CLIC5: variants seen among roughly 807,000 people sequenced by gnomAD.
CLIC5 encodes the protein chloride intracellular channel protein 5.
Under a neutral mutation model 24.7 loss-of-function variants are expected in CLIC5, and 20 were observed. The ratio of observed to expected loss-of-function variants is 0.81; its 90% CI spans 0.57 to 1.18. The LOEUF (loss-of-function observed/expected upper bound fraction) is 1.18. Among genes scored for constraint, CLIC5 ranks in the 50% most tolerant of loss-of-function variants. The pLI, the probability that CLIC5 is intolerant of heterozygous loss-of-function variation, is 0.00. For synonymous variants in CLIC5, 159 were observed against 135.6 expected (o/e 1.17, Z -1.20); for missense variants, 341 against 326.1 (o/e 1.05, Z -0.35).
intron 1 of CLIC5, among the ~76,000 whole-genome samples, chr6:45,956,831 G>A (rs567488375): frequency 1.1e-3 from 164 of 152,236 alleles, no homozygotes; most frequent in South Asian, 6.2e-4. Flanking sequence ...GAGAAAGCAC[G>A]GACTCCGTTA....
intron 5 of CLIC5, among the ~76,000 whole-genome samples, chr6:45,904,398 C>G (rs536047400): frequency 2.0e-5 from 3 of 151,800 alleles, no homozygotes; most frequent in African/African-American, 7.3e-5. Flanking sequence ...TCTCTAGCTG[C>G]GGCAGCTTCA....
At chr6:46,083,200 T>C (rs1762960899), upstream of CLIC5, among the ~76,000 whole-genome samples, 4 of 152,388 alleles carry the variant, frequency 2.6e-5, no homozygotes, top group South Asian at 8.3e-4. Flanking sequence ...GTATCTAGCA[T>C]TCATGTCCTT....
chr6:46,092,506 A>G, the CLIC5 span, among the ~76,000 whole-genome samples: 1 of 152,236 alleles, frequency 6.6e-6, no homozygotes. Flanking sequence ...TAAGTAATAA[A>G]GTATCCATAA....
chr6:45,993,525 A>G (rs1344323702), intron 1 of CLIC5, among the ~76,000 whole-genome samples: 1 of 152,188 alleles, frequency 6.6e-6, no homozygotes, highest in Non-Finnish European at 1.5e-5. Context: ...AACCAGATAA[A>G]TATCTGAGGA....
chr6:46,089,962 G>T, the CLIC5 span, among the ~76,000 whole-genome samples: 3 of 152,104 alleles, frequency 2.0e-5, no homozygotes, highest in African/African-American at 7.2e-5. Context: ...TTCGTGATTT[G>T]CACAGGAATG....
chr6:46,001,613 G>T (rs1408861077), intron 1 of CLIC5, among the ~76,000 whole-genome samples: 1 of 152,110 alleles, frequency 6.6e-6, no homozygotes, highest in East Asian at 1.9e-4. Context: ...CAAGACCCAG[G>T]GCCTGGCACC....
intron 1 of CLIC5, among the ~76,000 whole-genome samples, chr6:46,068,403 T>A (rs529806250): frequency 1.3e-5 from 2 of 152,240 alleles, no homozygotes; most frequent in Admixed American, 6.5e-5. Context: ...CTCATTACCC[T>A]GGAGATTCCT....
the CLIC5 span, among the ~76,000 whole-genome samples, chr6:46,090,405 GT>G: frequency 2.2e-3 from 292 of 130,878 alleles, 1 homozygote; most frequent in East Asian, 0.013. Flanking sequence ...AACTTGATGG[GT>G]TTTTTTTTTT....
chr6:45,980,134 C>T (rs1338710174), intron 1 of CLIC5, among the ~76,000 whole-genome samples: 1 of 151,980 alleles, frequency 6.6e-6, no homozygotes, highest in Non-Finnish European at 1.5e-5. Flanking sequence ...CCTGTTATCC[C>T]AGCACTGTTT....
At chr6:45,912,603 T>C (rs1387357069) in intron 5 of CLIC5, 1 of 1,460,152 alleles carries the variant, frequency 6.8e-7, no homozygotes, top group East Asian at 2.5e-5. Context: ...AAAGATTAAA[T>C]GATGTGCCTC....
At chr6:46,049,943 T>C (rs1158985519) in intron 1 of CLIC5, among the ~76,000 whole-genome samples, 2 of 152,214 alleles carry the variant, frequency 1.3e-5, no homozygotes, top group African/African-American at 4.8e-5. Flanking sequence ...AGAGGAGAAT[T>C]AGGGACTGTT....
chr6:45,920,449 A>C, intron 4 of CLIC5: 1 of 402,548 alleles, frequency 2.5e-6, no homozygotes. Flanking sequence ...ATTTGAGATC[A>C]TGTTGATATA....
the CLIC5 span, among the ~76,000 whole-genome samples, chr6:46,088,509 T>C: frequency 6.6e-6 from 1 of 152,188 alleles, no homozygotes; most frequent in East Asian, 1.9e-4. Flanking sequence ...GAAGATAGTT[T>C]ATGTTTACTA....
intron 4 of CLIC5, among the ~76,000 whole-genome samples, chr6:45,918,556 C>A (rs1763119936): frequency 6.6e-6 from 1 of 152,226 alleles, no homozygotes; most frequent in Non-Finnish European, 1.5e-5. Flanking sequence ...ATGAGAACAG[C>A]TCTGTGGGCC....
chr6:46,124,052 T>G, the CLIC5 span, among the ~76,000 whole-genome samples: 1 of 152,188 alleles, frequency 6.6e-6, no homozygotes, highest in East Asian at 1.9e-4. Flanking sequence ...AAGCTACCAA[T>G]GACTTTCTTC....
the CLIC5 span, among the ~76,000 whole-genome samples, chr6:46,099,901 G>C: frequency 6.7e-4 from 102 of 152,020 alleles, no homozygotes; most frequent in African/African-American, 1.9e-3. Flanking sequence ...GTCCATGGAG[G>C]CTTTGAAAAG....
intron 2 of CLIC5, among the ~76,000 whole-genome samples, chr6:45,953,145 C>T (rs1159233503): frequency 6.6e-6 from 1 of 152,094 alleles, no homozygotes; most frequent in East Asian, 1.9e-4. Flanking sequence ...TTCTAGTTGG[C>T]ATCTTGGGCG....
rs750330261 is a variant in CLIC5 at position 45,955,119 on chromosome 6, A to G, written c.173+16T>C. On this transcript the variant is annotated intron_variant, in intron 2 of 5. Transcript: ENST00000339561. ...ATGCAGCTAAACATACTCCTCATTT[A>G]TGCAACGTACGTTACCTTTTCAGAT... is the stretch of plus-strand genomic sequence containing the variant. 2 of 1,581,968 alleles carry G rather than the reference A, an allele frequency of 1.3e-6. No individual in the cohort carries two copies. Among genetic ancestry groups the G allele is most frequent in the South Asian group, 1.1e-5 (1 of 89,982 alleles).
At chr6:46,098,488 T>C in the CLIC5 span, among the ~76,000 whole-genome samples, 1 of 152,226 alleles carries the variant, frequency 6.6e-6, no homozygotes, top group African/African-American at 2.4e-5. Flanking sequence ...AGCATGTGCT[T>C]AGGGCAGACA....
Sources: allele counts gnomAD v4.1 joint callset (sites outside exome capture counted in the v4.1 genomes callset), GRCh38; gene constraint gnomAD v4.1.1; transcripts MANE v1.5; gene names NCBI Gene and HGNC (gene_info 2026-07-23, HGNC 2026-07-21).